Variants in WIPF1 observed in about 807,000 individuals in gnomAD.
WIPF1 encodes the protein WAS/WASL interacting protein family member 1, also known as WAS/WASL-interacting protein family member 1.
Under a neutral mutation model 35.4 loss-of-function variants are expected in WIPF1, and 13 were observed. The observed-to-expected ratio is 0.37, with a 90% CI of 0.24 to 0.58. WIPF1 has a LOEUF of 0.58. WIPF1 is among the 20% of genes least tolerant of loss of function. The pLI, the probability that WIPF1 is intolerant of heterozygous loss-of-function variation, is 0.74. For synonymous variants in WIPF1, 267 were observed against 266.3 expected, an observed-to-expected ratio of 1.00 and a Z score of -0.02; for missense variants, 591 against 667.0, an observed-to-expected ratio of 0.89 and a Z score of 1.25.
chr2:174,568,121 A>T (rs1306312849), intron 5 of WIPF1, 48 bp from the exon 6 acceptor site: 4 of 1,567,374 alleles, frequency 2.6e-6, no homozygotes, highest in Non-Finnish European at 3.5e-6. Flanking sequence ...TCCACATTCC[A>T]TTACCGTGGT....
intron 1 of WIPF1, among the ~76,000 whole-genome samples, chr2:174,631,198 G>A (rs1687010207): frequency 6.6e-6 from 1 of 152,100 alleles, no homozygotes; most frequent in Non-Finnish European, 1.5e-5. Context: ...TCACAACAGC[G>A]AAAAAGTAGA....
chr2:174,562,909 G>T (rs1214463453), intron 7 of WIPF1, among the ~76,000 whole-genome samples: 3 of 152,094 alleles, frequency 2.0e-5, no homozygotes, highest in Non-Finnish European at 2.9e-5. Context: ...TAAAAACAAA[G>T]AACTCACCCA....
chr2:174,612,573 G>A (rs1348381594), intron 1 of WIPF1, among the ~76,000 whole-genome samples: 1 of 61,130 alleles, frequency 1.6e-5, no homozygotes, highest in Non-Finnish European at 3.1e-5. Flanking sequence ...TAGAAGACAT[G>A]AACAGTTTTT....
intron 1 of WIPF1, among the ~76,000 whole-genome samples, chr2:174,586,297 C>T (rs181797860): frequency 6.6e-5 from 10 of 152,198 alleles, no homozygotes; most frequent in Admixed American, 5.9e-4. Context: ...GAAAACAGAG[C>T]GGGCATGAGA....
chr2:174,569,018 TA>T (rs1036245227), intron 5 of WIPF1, among the ~76,000 whole-genome samples: 1 of 151,762 alleles, frequency 6.6e-6, no homozygotes, highest in Non-Finnish European at 1.5e-5. Context: ...GTAAGTAAAT[TA>T]AAAAAAACAA....
rs375003540 is a variant in WIPF1 at position 174,660,754 on chromosome 2, G to A, written c.-39+22020C>T. On this transcript the variant is annotated intron_variant, in intron 1 of 8. Coordinates refer to the WIPF1 transcript ENST00000272746. The stretch of plus-strand genomic sequence containing the variant: ...TTGGCTCAACCATGTTCTAGCTATG[G>A]ACTGGAGTTGCTTACTCACTCTGTG... 3.9e-5 allele frequency among the ~76,000 whole-genome samples: 6 copies of A among 152,252 alleles called. No individual in the cohort carries two copies. In the East Asian group the frequency reaches 7.7e-4, roughly 20 times the overall value.
intron 3 of WIPF1, among the ~76,000 whole-genome samples, chr2:174,577,572 T>C (rs539107741): frequency 5.3e-5 from 8 of 152,210 alleles, no homozygotes; most frequent in Non-Finnish European, 1.2e-4. Flanking sequence ...CTATTCAAGA[T>C]CTACTGAGGC....
upstream of WIPF1, among the ~76,000 whole-genome samples, chr2:174,599,321 G>A (rs1036809313): frequency 6.6e-6 from 1 of 152,106 alleles, no homozygotes; most frequent in Non-Finnish European, 1.5e-5. Context: ...GGGAGTACTG[G>A]GACAGATGAT....
At chr2:174,585,670 C>T in intron 1 of WIPF1, 59 bp from the exon 2 acceptor site, 1 of 1,246,504 alleles carries the variant, frequency 8.0e-7, no homozygotes, top group East Asian at 2.4e-5. Flanking sequence ...CTGTCCTAAT[C>T]TGTCTTCACT....
In WIPF1 at chr2:174,623,887, C is replaced by T. The variant is rs534039746; in HGVS notation, c.-38-38276G>A. Among the ~76,000 whole-genome samples, 5 of 152,186 alleles carry T rather than the reference C, an allele frequency of 3.3e-5. No individual in the cohort carries two copies. In the South Asian group the frequency reaches 8.3e-4, roughly 25 times the overall value. ...GTTAAATATTAACACAGAAAAAACC[C>T]CTGTGTTAAAGGATGCAGTCTATCT... On this transcript the variant is annotated intron_variant, in intron 1 of 8. Coordinates refer to the WIPF1 transcript ENST00000272746.
At chr2:174,677,305 T>G (rs1004707221) in intron 1 of WIPF1, among the ~76,000 whole-genome samples, 87 of 152,168 alleles carry the variant, frequency 5.7e-4, no homozygotes, top group Admixed American at 5.6e-3. Flanking sequence ...TCTTACAGAG[T>G]GGAATAAATA....
At chr2:174,606,885 G>A (rs907346633) in intron 1 of WIPF1, among the ~76,000 whole-genome samples, 1 of 152,160 alleles carries the variant, frequency 6.6e-6, no homozygotes, top group Admixed American at 6.5e-5. Context: ...TGGCGACTGA[G>A]TAATTTATGA....
At chr2:174,682,221 A>C (rs1688263575) in intron 1 of WIPF1, among the ~76,000 whole-genome samples, 1 of 152,166 alleles carries the variant, frequency 6.6e-6, no homozygotes, top group South Asian at 2.1e-4. Flanking sequence ...GTCTACGCCG[A>C]CCTGGGGCGA....
chr2:174,610,668 C>T (rs900587373), intron 1 of WIPF1, among the ~76,000 whole-genome samples: 8 of 152,194 alleles, frequency 5.3e-5, no homozygotes, highest in Non-Finnish European at 1.0e-4. Flanking sequence ...GGTGCTACTC[C>T]TGGCTTTGGA....
chr2:174,604,721 G>T (rs1052434246), intron 1 of WIPF1, among the ~76,000 whole-genome samples: 4 of 152,218 alleles, frequency 2.6e-5, no homozygotes, highest in African/African-American at 7.2e-5. Context: ...CTGTGATTGT[G>T]ATTTTGGGGA....
At position 174,561,882 on chromosome 2, in the gene WIPF1, G is replaced by C; in HGVS notation, c.*665C>G. On this transcript the variant is annotated 3_prime_UTR_variant, in exon 8 of 8. Transcript: ENST00000679041. ...ATACACTCTGGATTTTGAAGATTCA[G>C]TACCAAAAAATAATATAAAATATCT... 1.6e-6 allele frequency: 1 copy of C among 624,136 alleles called. No homozygotes were observed. Among genetic ancestry groups the C allele is most frequent in the Admixed American group, 3.0e-5 (1 of 32,800 alleles). 38.7% of individuals were successfully genotyped at this position (624,136 alleles called of 1,614,324 possible). A position where few individuals can be genotyped will look rare whatever the true frequency, so the allele number is the denominator to read the frequency against.
At chr2:174,572,532 A>T (rs1336676334) in intron 4 of WIPF1, 86 bp from the exon 5 acceptor site, 14 of 1,552,188 alleles carry the variant, frequency 9.0e-6, no homozygotes, top group Non-Finnish European at 1.8e-6. Flanking sequence ...AGTGACTGGA[A>T]GTCCCTTCCT....
chr2:174,635,539 T>TGC (rs796893726), intron 1 of WIPF1, among the ~76,000 whole-genome samples: 6 of 144,352 alleles, frequency 4.2e-5, no homozygotes, highest in Non-Finnish European at 9.1e-5. Flanking sequence ...GTTTTTTTTT[T>TGC]TTTTTTTTTT....
At chr2:174,624,303 A>G (rs374841318) in intron 1 of WIPF1, among the ~76,000 whole-genome samples, 2 of 152,146 alleles carry the variant, frequency 1.3e-5, no homozygotes, top group African/African-American at 2.4e-5. Flanking sequence ...GCAAAATTCA[A>G]ATCTTCTTAA....
Sources: allele counts gnomAD v4.1 joint callset (sites outside exome capture counted in the v4.1 genomes callset), GRCh38; gene constraint gnomAD v4.1.1; transcripts MANE v1.5; gene names NCBI Gene and HGNC (gene_info 2026-07-23, HGNC 2026-07-21).